Variants in CACNB4 observed in about 807,000 individuals in gnomAD.
The protein encoded by CACNB4 is voltage-dependent L-type calcium channel subunit beta-4.
CACNB4 carries 32 observed loss-of-function variants against 71.2 expected under a neutral mutation model. The ratio of observed to expected loss-of-function variants is 0.45; its 90% CI spans 0.34 to 0.60. The LOEUF (loss-of-function observed/expected upper bound fraction) is 0.60, where lower values mean the gene tolerates loss of function less well. Among genes scored for constraint, CACNB4 ranks in the 20% least tolerant of loss-of-function variants. The probability of loss-of-function intolerance (pLI) is 0.01; values close to 1 mark genes in which losing one functional copy is unlikely to be tolerated. For missense variants in CACNB4, 464 were observed against 647.9 expected, an observed-to-expected ratio of 0.72 and a Z score of 3.08; for synonymous variants, 231 against 236.9, an observed-to-expected ratio of 0.97 and a Z score of 0.23.
intron 2 of CACNB4, among the ~76,000 whole-genome samples, chr2:152,026,410 G>T (rs982566824): frequency 6.6e-6 from 1 of 150,832 alleles, no homozygotes; most frequent in Non-Finnish European, 1.5e-5. Context: ...TTTGAGACAG[G>T]TTCTCGCTCT....
chr2:152,080,797 T>A (rs995251668), intron 2 of CACNB4, among the ~76,000 whole-genome samples: 2 of 152,178 alleles, frequency 1.3e-5, no homozygotes. Context: ...CCCTCATGAA[T>A]GTCTTGGTGC....
chr2:151,843,934 A>T (rs2099836901), intron 12 of CACNB4, among the ~76,000 whole-genome samples: 1 of 152,168 alleles, frequency 6.6e-6, no homozygotes, highest in Non-Finnish European at 1.5e-5. Context: ...TTTGGCCTTA[A>T]ATTGGAAAGC....
chr2:152,091,083 C>T lies in CACNB4; in HGVS notation c.147+7247G>A, dbSNP rs930028468. Among the ~76,000 whole-genome samples the T allele has an allele frequency of 4.0e-5, 6 of 151,810 alleles. No homozygotes were observed. The South Asian group carries it at 1.2e-3, about 31-fold the overall frequency. On this transcript the variant is annotated intron_variant, in intron 2 of 13. Coordinates refer to ENST00000539935, the MANE Select transcript of CACNB4 (RefSeq NM_000726.5). ...GTGAAATTTAGGCAATTCTATCCATCAGGAACAGAGACTCAGACATAAGTA... is the reference window on the plus strand; with the variant it reads ...GTGAAATTTAGGCAATTCTATCCATTAGGAACAGAGACTCAGACATAAGTA...
At chr2:152,003,989 A>C (rs1300835170) in intron 2 of CACNB4, among the ~76,000 whole-genome samples, 3 of 152,070 alleles carry the variant, frequency 2.0e-5, no homozygotes, top group Non-Finnish European at 4.4e-5. Flanking sequence ...GACCACAGGC[A>C]CATGCCACCA....
chr2:152,000,274 C>T (rs1560121204), intron 2 of CACNB4, among the ~76,000 whole-genome samples: 1 of 152,212 alleles, frequency 6.6e-6, no homozygotes, highest in East Asian at 1.9e-4. Flanking sequence ...TGTAGAGTAG[C>T]AGCAAAATGT....
intron 2 of CACNB4, among the ~76,000 whole-genome samples, chr2:152,092,295 G>A (rs1443549093): frequency 6.6e-6 from 1 of 152,198 alleles, no homozygotes; most frequent in Non-Finnish European, 1.5e-5. Flanking sequence ...TTAGAGCTAT[G>A]CGCAAAGCAT....
chr2:152,076,522 G>A (rs1018262899), intron 2 of CACNB4, among the ~76,000 whole-genome samples: 1 of 151,788 alleles, frequency 6.6e-6, no homozygotes, highest in African/African-American at 2.4e-5. Context: ...CGAAACTATG[G>A]GTCCATGGAC....
chr2:151,890,429 A>G (rs572706815), intron 2 of CACNB4, among the ~76,000 whole-genome samples: 1 of 152,260 alleles, frequency 6.6e-6, no homozygotes, highest in South Asian at 2.1e-4. Flanking sequence ...TATCACATCA[A>G]CCCTAAGAAG....
intron 2 of CACNB4, among the ~76,000 whole-genome samples, chr2:152,035,645 C>A (rs1684538327): frequency 2.3e-5 from 3 of 130,448 alleles, no homozygotes; most frequent in African/African-American, 9.6e-5. Context: ...CTCTCTCTCT[C>A]TCTCTCTATA....
intron 2 of CACNB4, among the ~76,000 whole-genome samples, chr2:152,029,256 A>G (rs1684133209): frequency 6.6e-6 from 1 of 152,064 alleles, no homozygotes; most frequent in African/African-American, 2.4e-5. Flanking sequence ...GCACTTTGGG[A>G]GGCTGAGGTG....
intron 2 of CACNB4, among the ~76,000 whole-genome samples, chr2:151,989,423 T>A (rs933247433): frequency 6.6e-6 from 1 of 152,318 alleles, no homozygotes; most frequent in East Asian, 1.9e-4. Context: ...GACCTCTTTG[T>A]TGCAATTTCT....
At chr2:152,026,998 C>T (rs928660452) in intron 2 of CACNB4, among the ~76,000 whole-genome samples, 2 of 152,146 alleles carry the variant, frequency 1.3e-5, no homozygotes, top group African/African-American at 4.8e-5. Context: ...CCTCCACCTC[C>T]TGGGTTCAAG....
At chr2:152,075,412 G>T (rs1253528564) in intron 2 of CACNB4, among the ~76,000 whole-genome samples, 2 of 152,210 alleles carry the variant, frequency 1.3e-5, no homozygotes, top group African/African-American at 4.8e-5. Context: ...GCGTATTAAG[G>T]GAGGAAGAAA....
At chr2:151,939,256 G>A (rs768068250) in intron 2 of CACNB4, among the ~76,000 whole-genome samples, 40 of 152,256 alleles carry the variant, frequency 2.6e-4, no homozygotes, top group Non-Finnish European at 3.8e-4. Flanking sequence ...TGTTCACCAC[G>A]AACAACAGCT....
At chr2:151,895,533 T>C (rs1258052548) in intron 2 of CACNB4, among the ~76,000 whole-genome samples, 3 of 152,004 alleles carry the variant, frequency 2.0e-5, no homozygotes, top group African/African-American at 7.3e-5. Flanking sequence ...CTAAATATAC[T>C]AGAGGAAGGA....
At chr2:151,957,257 C>CGTGTATGTGTGTGTGTGTGTGTGTATGT (rs3068823) in intron 2 of CACNB4, among the ~76,000 whole-genome samples, 3 of 131,788 alleles carry the variant, frequency 2.3e-5, no homozygotes, top group Non-Finnish European at 4.9e-5. Flanking sequence ...AGTGGCTGGG[C>CGTGTATGTGTGTGTGTGTGTGTGTATGT]GTGTGTGTGT....
intron 8 of CACNB4, chr2:151,870,131 T>C: frequency 1.6e-6 from 1 of 619,744 alleles, no homozygotes; most frequent in Non-Finnish European, 2.9e-6. Context: ...TGAACTCTGT[T>C]TGGGCTTTAA....
intron 2 of CACNB4, chr2:151,971,950 C>T (rs1036694526): frequency 3.1e-6 from 1 of 323,326 alleles, no homozygotes; most frequent in Non-Finnish European, 5.9e-6. Flanking sequence ...ACCAGGAGTA[C>T]AGCACTGCAG....
chr2:151,981,640 G>C (rs1410297141), intron 2 of CACNB4, among the ~76,000 whole-genome samples: 2 of 152,072 alleles, frequency 1.3e-5, no homozygotes, highest in East Asian at 1.9e-4. Context: ...CTTTGAAAAA[G>C]TGTGCCAGAG....
Sources: allele counts gnomAD v4.1 joint callset (sites outside exome capture counted in the v4.1 genomes callset), GRCh38; gene constraint gnomAD v4.1.1; transcripts MANE v1.5; gene names NCBI Gene and HGNC (gene_info 2026-07-23, HGNC 2026-07-21).